The following HMGA2 variants were observed in gnomAD, a reference collection of about 807,000 sequenced individuals.
HMGA2 encodes high mobility group protein HMGI-C.
A neutral mutation model predicts 19.1 loss-of-function variants in HMGA2; 8 were observed. That is an observed-to-expected ratio of 0.42 (90% confidence interval 0.25 to 0.76). The LOEUF (loss-of-function observed/expected upper bound fraction) is 0.76. Ranked by LOEUF, HMGA2 falls within the 30% of genes least tolerant of loss-of-function variation. The pLI, the probability that HMGA2 is intolerant of heterozygous loss-of-function variation, is 0.28. For missense variants in HMGA2, 109 were observed against 136.3 expected, an observed-to-expected ratio of 0.80 and a Z score of 1.00; for synonymous variants, 60 against 48.8, an observed-to-expected ratio of 1.23 and a Z score of -0.96.
chr12:65,872,716 T>C (rs1369663633), intron 3 of HMGA2, among the ~76,000 whole-genome samples: 2 of 152,218 alleles, frequency 1.3e-5, no homozygotes, highest in Non-Finnish European at 2.9e-5. Flanking sequence ...CTACTAGTTT[T>C]CCTGCCGCCT....
chr12:65,848,911 C>G (rs1384986790), intron 3 of HMGA2, among the ~76,000 whole-genome samples: 2 of 151,950 alleles, frequency 1.3e-5, no homozygotes, highest in Admixed American at 1.3e-4. Flanking sequence ...TGCAGGTTTA[C>G]CAAGTTCCCA....
chr12:65,887,593 C>G (rs1010770153), intron 3 of HMGA2, among the ~76,000 whole-genome samples: 4 of 151,808 alleles, frequency 2.6e-5, no homozygotes, highest in African/African-American at 4.8e-5. Context: ...CATGGTGGTG[C>G]GAGCCTGTAG....
chr12:65,937,092 A>G (rs1875923522), intron 3 of HMGA2, among the ~76,000 whole-genome samples: 1 of 152,248 alleles, frequency 6.6e-6, no homozygotes, highest in Non-Finnish European at 1.5e-5. Flanking sequence ...AATCAAAGAT[A>G]GCACCTTACA....
At position 65,920,091 on chromosome 12, in the gene HMGA2, G is replaced by A. The variant is rs926518554; in HGVS notation, c.250-31292G>A. Among the ~76,000 whole-genome samples, 140 of 152,166 alleles carry A rather than the reference G, an allele frequency of 9.2e-4. 2 individuals are homozygous for A. The highest frequency in any genetic ancestry group is 9.0e-3 in the Admixed American group (137 of 15,270). On this transcript the variant is annotated intron_variant, in intron 3 of 4. Transcript: ENST00000403681. ...ATGACTTGTTTGTTTCCTAATTTGA[G>A]TTTACATAGTAACTCTTTTAAAGAA...
chr12:65,875,589 ATTTTTTTTTTTTTTTTTTTTTTTTTTT>A (rs71096056), intron 3 of HMGA2, among the ~76,000 whole-genome samples: 5 of 26,098 alleles, frequency 1.9e-4, no homozygotes, highest in African/African-American at 3.1e-4. Flanking sequence ...GTGCCCGGCT[ATTTTTTTTTTTTTTTTTTTTTTTTTTT>A]TTTTTTTTTT....
intron 3 of HMGA2, among the ~76,000 whole-genome samples, chr12:65,889,684 C>T (rs1873820674): frequency 2.0e-5 from 3 of 152,146 alleles, no homozygotes; most frequent in South Asian, 2.1e-4. Context: ...TGGGAAAGTA[C>T]GTATCAGGGC....
chr12:65,876,299 A>G lies in HMGA2; in HGVS notation c.249+37730A>G, dbSNP rs560470257. On this transcript the variant is annotated intron_variant, in intron 3 of 4. Transcript: ENST00000403681. ...GATACTGAGTTGCTGAAAATTAGTC[A>G]TTTGAATTTAAATCTTTTCAGGAGT... Among the ~76,000 whole-genome samples, 5 of 152,292 alleles carry G rather than the reference A, an allele frequency of 3.3e-5. No homozygotes were observed. In the East Asian group the frequency reaches 9.6e-4, roughly 29 times the overall value.
At chr12:65,880,662 G>C (rs1873326090) in intron 3 of HMGA2, among the ~76,000 whole-genome samples, 1 of 152,184 alleles carries the variant, frequency 6.6e-6, no homozygotes, top group Non-Finnish European at 1.5e-5. Flanking sequence ...ATCAGACAAT[G>C]TACAGTTAAG....
At chr12:65,827,971 C>T in intron 1 of HMGA2, 30 bp from the exon 2 acceptor site, 2 of 1,484,288 alleles carry the variant, frequency 1.3e-6, no homozygotes, top group Non-Finnish European at 1.9e-6. Flanking sequence ...ATTCTTGCCA[C>T]AACAGCATTT....
At position 65,839,445 on chromosome 12, in the gene HMGA2, T is replaced by C. The variant is rs149625920; in HGVS notation, c.249+876T>C. 1.3e-3 allele frequency among the ~76,000 whole-genome samples: 199 copies of C among 152,248 alleles called. 4 individuals carry two copies. The highest frequency in any genetic ancestry group is 0.013 in the Admixed American group (193 of 15,282). On this transcript the variant is annotated intron_variant, in intron 3 of 4. Coordinates refer to ENST00000403681, the MANE Select transcript of HMGA2 (RefSeq NM_003483.6). ...GCTTTGCTTTTTCCTCTTCCTCAAT[T>C]CTTTCTTCATGCTTCAAATTTTAAA...
At chr12:65,864,492 C>T (rs932114046) in intron 3 of HMGA2, among the ~76,000 whole-genome samples, 1 of 152,126 alleles carries the variant, frequency 6.6e-6, no homozygotes. Flanking sequence ...TTACTCACTC[C>T]ACTGTTGACT....
chr12:65,892,312 A>G (rs886579997), intron 3 of HMGA2, among the ~76,000 whole-genome samples: 2 of 152,176 alleles, frequency 1.3e-5, no homozygotes, highest in Middle Eastern at 3.2e-3. Flanking sequence ...TAGTACAGGC[A>G]TGCCTCACAG....
chr12:65,933,899 G>A (rs7979073), intron 3 of HMGA2, among the ~76,000 whole-genome samples: 42 of 151,200 alleles, frequency 2.8e-4, no homozygotes, highest in African/African-American at 9.9e-4. Flanking sequence ...CAATGCCAAC[G>A]TAGACCAATT....
Position 65,926,652 on chromosome 12 carries a change from C to T in HMGA2, c.250-24731C>T, listed in dbSNP as rs1003481674. ...TCATTAAACCACTACCATTTTCTTT[C>T]GCCCTTTAAACCTGCTTTCAATCAG... is the stretch of plus-strand genomic sequence containing the variant. On this transcript the variant is annotated intron_variant, in intron 3 of 4. Coordinates refer to ENST00000403681, the MANE Select transcript of HMGA2 (RefSeq NM_003483.6). 2.6e-5 allele frequency among the ~76,000 whole-genome samples: 4 copies of T among 152,244 alleles called. 1 individual carries two copies. The highest frequency in any genetic ancestry group is 4.1e-4 in the South Asian group (2 of 4,830).
intron 3 of HMGA2, among the ~76,000 whole-genome samples, chr12:65,894,816 A>C (rs1228042207): frequency 6.6e-6 from 1 of 152,212 alleles, no homozygotes; most frequent in Non-Finnish European, 1.5e-5. Context: ...GGCCATAAAC[A>C]GTGATGCAAT....
rs536267702 is a variant in HMGA2, at chr12:65,887,501, A to T, written c.249+48932A>T. Among the ~76,000 whole-genome samples, 4 of 152,222 alleles carry T rather than the reference A, an allele frequency of 2.6e-5. No homozygotes were observed. The East Asian group carries it at 7.7e-4, about 29-fold the overall frequency. On this transcript the variant is annotated intron_variant, in intron 3 of 4. Coordinates refer to ENST00000403681, the MANE Select transcript of HMGA2 (RefSeq NM_003483.6). ...TTTGGGAGGCTGAGGCCGGTGGATC[A>T]CTTGAGGTCAGGAGTTCGAGACCAG... is the stretch of plus-strand genomic sequence containing the variant.
At position 65,940,246 on chromosome 12, in the gene HMGA2, T is replaced by C. The variant is rs112024686; in HGVS notation, c.250-11137T>C. On this transcript the variant is annotated intron_variant, in intron 3 of 4. Transcript: ENST00000403681. Reference sequence around the variant, plus strand: ...AAAGATTAAAGAAAGTATAGATAGATAGATATAGCTATAAATAAGAATAGC... The same window carrying C: ...AAAGATTAAAGAAAGTATAGATAGACAGATATAGCTATAAATAAGAATAGC... Among the ~76,000 whole-genome samples, 1,207 of 152,284 alleles carry C rather than the reference T, an allele frequency of 7.9e-3. 20 individuals carry two copies. Among genetic ancestry groups the C allele is most frequent in the African/African-American group, 0.027 (1,139 of 41,574 alleles).
intron 3 of HMGA2, among the ~76,000 whole-genome samples, chr12:65,852,145 T>C (rs1377662555): frequency 4.1e-5 from 6 of 145,824 alleles, no homozygotes; most frequent in Non-Finnish European, 9.2e-5. Flanking sequence ...ACAAATAATT[T>C]GTACAAATAA....
chr12:65,845,322 G>C (rs1172161318), intron 3 of HMGA2, among the ~76,000 whole-genome samples: 1 of 152,154 alleles, frequency 6.6e-6, no homozygotes, highest in African/African-American at 2.4e-5. Flanking sequence ...AGGTTGGAGT[G>C]CAGTGGCAAA....
Sources: gnomAD v4.1 joint callset for allele counts (sites outside exome capture counted in the v4.1 genomes callset) on GRCh38, gnomAD v4.1.1 for gene constraint, MANE v1.5 for transcripts, NCBI Gene and HGNC (gene_info 2026-07-23, HGNC 2026-07-21) for gene names.